The following RBFOX1 variants were observed in gnomAD, a reference collection of about 807,000 sequenced individuals.
RBFOX1 encodes the protein RNA binding fox-1 homolog 1, also known as RNA binding protein fox-1 homolog 1.
RBFOX1 carries 8 observed loss-of-function variants against 57.7 expected under a neutral mutation model. The observed-to-expected ratio is 0.14, with a 90% CI of 0.08 to 0.25. The LOEUF (loss-of-function observed/expected upper bound fraction) is 0.25, where lower values mean the gene tolerates loss of function less well. Among genes scored for constraint, RBFOX1 ranks in the 10% least tolerant of loss-of-function variants. The pLI is 1.00. For synonymous variants in RBFOX1, 326 were observed against 222.4 expected, an observed-to-expected ratio of 1.47 and a Z score of -4.15; for missense variants, 611 against 548.5, an observed-to-expected ratio of 1.11 and a Z score of -1.14.
intron 5 of RBFOX1, among the ~76,000 whole-genome samples, chr16:7,559,416 T>C (rs2089733866): frequency 1.3e-5 from 2 of 152,210 alleles, no homozygotes; most frequent in Admixed American, 1.3e-4. Context: ...AAGTCTTGCT[T>C]GACTCCAGTC....
At chr16:5,855,769 G>A (rs560652612) in intron 3 of RBFOX1, among the ~76,000 whole-genome samples, 1 of 151,930 alleles carries the variant, frequency 6.6e-6, no homozygotes, top group East Asian at 1.9e-4. Flanking sequence ...AATTTCCTTG[G>A]AATTTTGATA....
intron 2 of RBFOX1, among the ~76,000 whole-genome samples, chr16:5,519,944 T>G (rs2043947100): frequency 1.3e-5 from 2 of 152,238 alleles, no homozygotes; most frequent in Admixed American, 1.3e-4. Context: ...ATAGTTATAG[T>G]GGTGAGCAAG....
intron 4 of RBFOX1, among the ~76,000 whole-genome samples, chr16:7,075,667 G>A (rs1035616787): frequency 7.2e-5 from 11 of 152,000 alleles, no homozygotes; most frequent in African/African-American, 2.7e-4. Flanking sequence ...TGCAAGGTCC[G>A]CCTCTCAGGT....
intron 3 of RBFOX1, among the ~76,000 whole-genome samples, chr16:6,724,377 T>G (rs901306518): frequency 1.3e-5 from 2 of 151,916 alleles, no homozygotes; most frequent in Admixed American, 6.6e-5. Context: ...GCCCAGCAAA[T>G]TTTTATATTT....
chr16:7,366,912 T>C (rs2097461285), intron 4 of RBFOX1, among the ~76,000 whole-genome samples: 1 of 152,320 alleles, frequency 6.6e-6, no homozygotes, highest in East Asian at 1.9e-4. Context: ...TCCCCCCAAA[T>C]CATTTAATTT....
intron 2 of RBFOX1, among the ~76,000 whole-genome samples, chr16:6,494,818 G>T (rs778387845): frequency 2.0e-5 from 3 of 152,166 alleles, no homozygotes; most frequent in Admixed American, 1.3e-4. Flanking sequence ...TTGTACCCAC[G>T]TCTTAATGTT....
At chr16:5,386,376 C>T (rs766296884) in intron 1 of RBFOX1, among the ~76,000 whole-genome samples, 12 of 152,172 alleles carry the variant, frequency 7.9e-5, no homozygotes, top group South Asian at 2.1e-4. Context: ...AAAAGGTAGA[C>T]GGCCTCAGGT....
chr16:6,592,295 T>G (rs2097722237), intron 2 of RBFOX1, among the ~76,000 whole-genome samples: 1 of 152,232 alleles, frequency 6.6e-6, no homozygotes, highest in Non-Finnish European at 1.5e-5. Context: ...AATTCTAAGC[T>G]TCCTCCATGA....
At chr16:6,450,496 G>T (rs1324293703) in intron 2 of RBFOX1, among the ~76,000 whole-genome samples, 2 of 151,310 alleles carry the variant, frequency 1.3e-5, no homozygotes, top group Non-Finnish European at 2.9e-5. Context: ...CATGCCGATT[G>T]GTAGGAAAGC....
At chr16:7,528,168 G>A (rs1257693474) in intron 5 of RBFOX1, among the ~76,000 whole-genome samples, 1 of 152,186 alleles carries the variant, frequency 6.6e-6, no homozygotes, top group African/African-American at 2.4e-5. Flanking sequence ...CTAAGGGTTT[G>A]ATTTAATGTT....
intron 3 of RBFOX1, among the ~76,000 whole-genome samples, chr16:7,044,389 A>G (rs1222438367): frequency 6.6e-6 from 1 of 152,162 alleles, no homozygotes; most frequent in African/African-American, 2.4e-5. Context: ...ATAAGAGAGA[A>G]CTCAAAGTCA....
At chr16:6,997,614 C>G (rs1372328761) in intron 3 of RBFOX1, among the ~76,000 whole-genome samples, 2 of 152,154 alleles carry the variant, frequency 1.3e-5, no homozygotes, top group African/African-American at 2.4e-5. Flanking sequence ...TGCAAACATA[C>G]CATAATTATT....
intron 14 of RBFOX1, among the ~76,000 whole-genome samples, chr16:7,687,600 G>A (rs918329536): frequency 6.6e-6 from 1 of 151,830 alleles, no homozygotes; most frequent in South Asian, 2.1e-4. Flanking sequence ...AGTTCCATAT[G>A]GCACGTCTAG....
At chr16:5,940,896 A>C (rs2059265385) in intron 4 of RBFOX1, among the ~76,000 whole-genome samples, 1 of 152,112 alleles carries the variant, frequency 6.6e-6, no homozygotes, top group South Asian at 2.1e-4. Flanking sequence ...TGTGTGTAAG[A>C]AGGAGCTGAG....
At chr16:7,260,537 C>G (rs2094877988) in intron 4 of RBFOX1, among the ~76,000 whole-genome samples, 1 of 152,190 alleles carries the variant, frequency 6.6e-6, no homozygotes, top group East Asian at 1.9e-4. Flanking sequence ...CCTGGACCTC[C>G]AAGGCTGCAT....
intron 4 of RBFOX1, among the ~76,000 whole-genome samples, chr16:7,335,785 A>G (rs963847961): frequency 6.6e-6 from 1 of 152,164 alleles, no homozygotes; most frequent in Non-Finnish European, 1.5e-5. Context: ...CTCCTTTAGG[A>G]AAATCAGAAT....
chr16:7,324,018 TG>T (rs1187414079), intron 4 of RBFOX1, among the ~76,000 whole-genome samples: 1 of 151,986 alleles, frequency 6.6e-6, no homozygotes, highest in African/African-American at 2.4e-5. Flanking sequence ...AGCAGTTTTT[TG>T]TTTTGTTTTG....
chr16:7,515,898 G>A (rs1805590613), intron 4 of RBFOX1, among the ~76,000 whole-genome samples: 1 of 152,116 alleles, frequency 6.6e-6, no homozygotes, highest in African/African-American at 2.4e-5. Flanking sequence ...AGGCTGGAGT[G>A]CAGTGGTGCA....
chr16:6,904,468 G>C (rs935081692), intron 3 of RBFOX1, among the ~76,000 whole-genome samples: 2 of 151,902 alleles, frequency 1.3e-5, no homozygotes, highest in Non-Finnish European at 2.9e-5. Flanking sequence ...AGGTGTGGTG[G>C]TGGGTGCCTG....
Sources: gnomAD v4.1 joint callset for allele counts (sites outside exome capture counted in the v4.1 genomes callset) on GRCh38, gnomAD v4.1.1 for gene constraint, MANE v1.5 for transcripts, NCBI Gene and HGNC (gene_info 2026-07-23, HGNC 2026-07-21) for gene names.